Variants in RBFOX1 observed in about 807,000 individuals in gnomAD.
RBFOX1 encodes the protein RNA binding fox-1 homolog 1.
Under a neutral mutation model 57.7 loss-of-function variants are expected in RBFOX1, and 8 were observed. That is an observed-to-expected ratio of 0.14 (90% confidence interval 0.08 to 0.25). The LOEUF is 0.25. Among genes scored for constraint, RBFOX1 ranks in the 10% least tolerant of loss-of-function variants. The pLI is 1.00. For missense variants in RBFOX1, 611 were observed against 548.5 expected (o/e 1.11, Z -1.14); for synonymous variants, 326 against 222.4 (o/e 1.47, Z -4.15).
intron 4 of RBFOX1, among the ~76,000 whole-genome samples, chr16:5,918,733 T>C (rs2152223991): frequency 6.6e-6 from 1 of 152,324 alleles, no homozygotes; most frequent in East Asian, 1.9e-4. Flanking sequence ...GACTGTGAAT[T>C]TGCATAAGAC....
At chr16:7,365,056 A>G (rs927881041) in intron 4 of RBFOX1, among the ~76,000 whole-genome samples, 6 of 152,118 alleles carry the variant, frequency 3.9e-5, no homozygotes, top group Non-Finnish European at 5.9e-5. Flanking sequence ...TCTATCAATC[A>G]TCTATCTATC....
Position 6,020,734 on chromosome 16 carries a change from C to T in RBFOX1, c.-127+742C>T, listed in dbSNP as rs1290047633. ...TTGTCAGCTCCAATCAACCAATTGT[C>T]CAGCTATGGAAGCGAGGGCGGGGCT... On this transcript the variant is annotated intron_variant, in intron 1 of 15. Coordinates refer to ENST00000550418, the MANE Select transcript of RBFOX1 (RefSeq NM_018723.4). 3.9e-5 allele frequency among the ~76,000 whole-genome samples: 6 copies of T among 152,152 alleles called. No individual in the cohort carries two copies. In the East Asian group the frequency reaches 1.2e-3, roughly 29 times the overall value.
chr16:6,878,320 G>C (rs117550283), intron 3 of RBFOX1, among the ~76,000 whole-genome samples: 8,247 of 152,202 alleles, frequency 0.054, 344 homozygotes, highest in Non-Finnish European at 0.086. Flanking sequence ...GAAAGTGACA[G>C]GTGCTGGAAC....
chr16:5,691,740 G>T (rs1203316510), intron 3 of RBFOX1, among the ~76,000 whole-genome samples: 3 of 152,126 alleles, frequency 2.0e-5, no homozygotes, highest in Non-Finnish European at 4.4e-5. Context: ...ATCTCAAGTA[G>T]CCTGTAATCT....
chr16:7,700,223 C>G (rs940826501), intron 14 of RBFOX1, among the ~76,000 whole-genome samples: 3 of 152,120 alleles, frequency 2.0e-5, no homozygotes, highest in African/African-American at 2.4e-5. Flanking sequence ...ATAAAATAGA[C>G]GAGAGGCAAT....
chr16:7,568,877 T>G (rs1602066231), intron 5 of RBFOX1, among the ~76,000 whole-genome samples: 1 of 81,516 alleles, frequency 1.2e-5, no homozygotes, highest in Admixed American at 1.6e-4. Context: ...ATAGAGACTC[T>G]GTCTCAAAAA....
At chr16:6,667,490 G>A (rs1190179948) in intron 3 of RBFOX1, among the ~76,000 whole-genome samples, 4 of 152,114 alleles carry the variant, frequency 2.6e-5, no homozygotes, top group African/African-American at 7.2e-5. Context: ...ATAAAAGGGA[G>A]AGGAGGAGAG....
rs147477254 is a variant in RBFOX1 at position 7,409,877 on chromosome 16, G to A, written c.28-108270G>A. 5.3e-3 allele frequency among the ~76,000 whole-genome samples: 812 copies of A among 152,264 alleles called. 6 individuals are homozygous for A. Among genetic ancestry groups the A allele is most frequent in the Middle Eastern group, 0.01 (3 of 294 alleles). On this transcript the variant is annotated intron_variant, in intron 4 of 15. Transcript: ENST00000550418. ...TGGGCAATGAAGAAATTGAAGTGTG[G>A]AAAAATGGAGTTCCGGCAATGTCTT...
At chr16:5,751,151 C>T (rs536598203) in intron 3 of RBFOX1, among the ~76,000 whole-genome samples, 1 of 152,132 alleles carries the variant, frequency 6.6e-6, no homozygotes, top group Non-Finnish European at 1.5e-5. Flanking sequence ...CCAAGAAATT[C>T]TGCTTTCTGT....
At chr16:5,624,830 G>C (rs895487526) in intron 3 of RBFOX1, among the ~76,000 whole-genome samples, 1 of 152,192 alleles carries the variant, frequency 6.6e-6, no homozygotes, top group African/African-American at 2.4e-5. Flanking sequence ...TGGCAGGATG[G>C]GGGGACAGAG....
chr16:5,409,557 T>C (rs757388641), intron 1 of RBFOX1, among the ~76,000 whole-genome samples: 4 of 152,252 alleles, frequency 2.6e-5, no homozygotes, highest in Non-Finnish European at 4.4e-5. Context: ...TTTCTCTTCA[T>C]ACTCAACAAA....
chr16:6,496,585 C>T (rs1482923654), intron 2 of RBFOX1, among the ~76,000 whole-genome samples: 1 of 152,130 alleles, frequency 6.6e-6, no homozygotes, highest in African/African-American at 2.4e-5. Flanking sequence ...TGCCCCTCGT[C>T]GAACTGGGCT....
At chr16:7,205,259 T>C (rs1186848620) in intron 4 of RBFOX1, among the ~76,000 whole-genome samples, 2 of 152,080 alleles carry the variant, frequency 1.3e-5, no homozygotes, top group Admixed American at 1.3e-4. Context: ...GGCTCACACC[T>C]GTAATCCCAG....
chr16:6,947,860 T>A (rs770014562), intron 3 of RBFOX1, among the ~76,000 whole-genome samples: 1 of 152,178 alleles, frequency 6.6e-6, no homozygotes, highest in Non-Finnish European at 1.5e-5. Flanking sequence ...CACTGCAAAG[T>A]CCACCTCATG....
chr16:6,299,168 C>A (rs892791026), intron 1 of RBFOX1, among the ~76,000 whole-genome samples: 3 of 152,184 alleles, frequency 2.0e-5, no homozygotes, highest in Admixed American at 6.5e-5. Flanking sequence ...AATACTAGCA[C>A]CATGGGAAAG....
At chr16:6,444,361 C>A (rs908118318) in intron 2 of RBFOX1, among the ~76,000 whole-genome samples, 1 of 152,140 alleles carries the variant, frequency 6.6e-6, no homozygotes, top group Non-Finnish European at 1.5e-5. Context: ...CCACCCAAAT[C>A]TCATCTTGAA....
intron 1 of RBFOX1, among the ~76,000 whole-genome samples, chr16:6,055,582 G>T (rs1057199934): frequency 9.7e-6 from 1 of 103,472 alleles, no homozygotes; most frequent in Admixed American, 1.5e-4. Context: ...AACAGAGTGA[G>T]ACTCCGTCAA....
At chr16:6,990,135 T>C (rs2091174742) in intron 3 of RBFOX1, among the ~76,000 whole-genome samples, 1 of 152,192 alleles carries the variant, frequency 6.6e-6, no homozygotes, top group Non-Finnish European at 1.5e-5. Flanking sequence ...CTAGTAAACG[T>C]GCCCAACACA....
chr16:7,097,069 T>C (rs1228412488), intron 4 of RBFOX1, among the ~76,000 whole-genome samples: 1 of 151,796 alleles, frequency 6.6e-6, no homozygotes, highest in Non-Finnish European at 1.5e-5. Context: ...AATAAACACA[T>C]GTGATCATTT....
Sources: allele counts gnomAD v4.1 joint callset (sites outside exome capture counted in the v4.1 genomes callset), GRCh38; gene constraint gnomAD v4.1.1; transcripts MANE v1.5; gene names NCBI Gene and HGNC (gene_info 2026-07-23, HGNC 2026-07-21).